HELQ: variants seen among roughly 807,000 people sequenced by gnomAD.
The protein encoded by HELQ is helicase POLQ-like.
A neutral mutation model predicts 111.6 loss-of-function variants in HELQ; 77 were observed. The observed-to-expected ratio is 0.69, with a 90% confidence interval of 0.57 to 0.83. The LOEUF (loss-of-function observed/expected upper bound fraction) is 0.83. HELQ is among the 40% of genes least tolerant of loss of function. The pLI, the probability that HELQ is intolerant of heterozygous loss-of-function variation, is 0.00. For synonymous variants in HELQ, 438 were observed against 454.7 expected, an observed-to-expected ratio of 0.96 and a Z score of 0.47; for missense variants, 1,200 against 1,288.5, an observed-to-expected ratio of 0.93 and a Z score of 1.05.
chr4:83,452,671 G>A (rs1721456595), intron 2 of HELQ, among the ~76,000 whole-genome samples: 1 of 152,192 alleles, frequency 6.6e-6, no homozygotes, highest in Admixed American at 6.5e-5. Context: ...AAAAACAGGA[G>A]TGGTTGTAAG....
intron 1 of HELQ, 128 bp from the exon 2 acceptor site, chr4:83,454,073 A>G (rs1721575092): frequency 6.0e-6 from 4 of 662,574 alleles, no homozygotes; most frequent in Admixed American, 5.2e-5. Context: ...GCATAGTGGC[A>G]TGCTCCTGTA....
chr4:83,421,502 T>C, intron 15 of HELQ, 61 bp downstream of exon 15: 2 of 1,286,148 alleles, frequency 1.6e-6, no homozygotes, highest in Non-Finnish European at 2.2e-6. Flanking sequence ...GGCTTATTAG[T>C]TTAGTAACAG....
rs188680450 is a variant in HELQ at position 83,432,020 on chromosome 4, T to C, written c.2190+106A>G. ...TAATCATATAGGAAAGAAAGCATCATTTAAAGAAAATTAATAATTAATTTT... is the reference window on the plus strand; with the variant it reads ...TAATCATATAGGAAAGAAAGCATCACTTAAAGAAAATTAATAATTAATTTT... On this transcript the variant is annotated intron_variant, in intron 10 of 17. Transcript: ENST00000295488. 4.5e-4 allele frequency: 296 copies of C among 661,516 alleles called. No homozygotes were observed. In the African/African-American group the frequency reaches 5.1e-3, roughly 11 times the overall value. 41.0% of individuals were successfully genotyped at this position (661,516 alleles called of 1,614,324 possible).
At chr4:83,410,756 A>G (rs1739042819) in intron 17 of HELQ, among the ~76,000 whole-genome samples, 1 of 152,164 alleles carries the variant, frequency 6.6e-6, no homozygotes, top group Non-Finnish European at 1.5e-5. Flanking sequence ...ATGATGCCAC[A>G]TGACAGGTCT....
chr4:83,418,878 G>A (rs1247071914), intron 15 of HELQ, among the ~76,000 whole-genome samples: 2 of 152,076 alleles, frequency 1.3e-5, no homozygotes, highest in Admixed American at 1.3e-4. Context: ...CAGAACTATT[G>A]AATCAATCAA....
chr4:83,413,788 A>G (rs1167020904), intron 17 of HELQ, among the ~76,000 whole-genome samples: 2 of 152,220 alleles, frequency 1.3e-5, no homozygotes, highest in Non-Finnish European at 2.9e-5. Flanking sequence ...CTGAAGCCAC[A>G]TGGAAAGGCC....
chr4:83,434,119 C>A (rs1720314788), intron 9 of HELQ, among the ~76,000 whole-genome samples: 1 of 152,054 alleles, frequency 6.6e-6, no homozygotes, highest in Non-Finnish European at 1.5e-5. Context: ...ACCTGTCAAT[C>A]TAGCACTTCG....
At chr4:83,416,965 T>C (rs1050108060) in intron 16 of HELQ, 100 bp from the exon 17 acceptor site, 1 of 999,446 alleles carries the variant, frequency 1.0e-6, no homozygotes, top group Non-Finnish European at 1.5e-6. Context: ...TGTAAGAGAC[T>C]GGGATAAAAT....
chr4:83,446,297 T>C (rs964329070), intron 4 of HELQ, among the ~76,000 whole-genome samples: 1 of 144,018 alleles, frequency 6.9e-6, no homozygotes, highest in Admixed American at 7.5e-5. Context: ...CTGGGATTCA[T>C]AAGTACTACT....
At chr4:83,411,604 A>AAAATAAAT (rs147373472) in intron 17 of HELQ, among the ~76,000 whole-genome samples, 6 of 150,100 alleles carry the variant, frequency 4.0e-5, no homozygotes, top group South Asian at 2.1e-4. Flanking sequence ...ACCCTGTCTC[A>AAAATAAAT]AAATAAATAA....
intron 17 of HELQ, among the ~76,000 whole-genome samples, chr4:83,411,665 T>C (rs559078465): frequency 5.9e-5 from 9 of 151,602 alleles, no homozygotes; most frequent in African/African-American, 1.2e-4. Context: ...AAAATAGAGA[T>C]AAGGTCTCGC....
At chr4:83,425,026 T>A (rs866965625) in intron 14 of HELQ, among the ~76,000 whole-genome samples, 13 of 152,064 alleles carry the variant, frequency 8.5e-5, no homozygotes, top group South Asian at 2.1e-4. Context: ...CCACCTGTAA[T>A]CCCAATGCTT....
At chr4:83,425,890 C>G (rs1470196428) in intron 14 of HELQ, 104 bp downstream of exon 14, 14 of 587,948 alleles carry the variant, frequency 2.4e-5, no homozygotes, top group Non-Finnish European at 4.2e-5. Context: ...AAATGTAAAC[C>G]AAAAAAGATC....
chr4:83,425,829 C>A (rs1719819373), intron 14 of HELQ, among the ~76,000 whole-genome samples, 165 bp downstream of exon 14: 1 of 152,028 alleles, frequency 6.6e-6, no homozygotes, highest in South Asian at 2.1e-4. Flanking sequence ...ATTTTGGGTG[C>A]TCAGGTATGT....
chr4:83,426,566 GTTT>G (rs770685351), intron 13 of HELQ, among the ~76,000 whole-genome samples: 1 of 127,744 alleles, frequency 7.8e-6, no homozygotes, highest in East Asian at 3.5e-4. Flanking sequence ...TTTTGTTTCT[GTTT>G]TTGTTTTTTT....
chr4:83,423,132 G>C (rs1477479909), intron 14 of HELQ, among the ~76,000 whole-genome samples: 1 of 151,822 alleles, frequency 6.6e-6, no homozygotes, highest in Non-Finnish European at 1.5e-5. Context: ...GAAAAAGTAG[G>C]TATAAAAAAT....
chr4:83,424,739 G>T (rs1578075634), intron 14 of HELQ, among the ~76,000 whole-genome samples: 1 of 152,050 alleles, frequency 6.6e-6, no homozygotes, highest in African/African-American at 2.4e-5. Context: ...TGTATTTTTA[G>T]TGGAGATAGG....
rs143141950 is a variant in HELQ, at chr4:83,426,126, C to A, written c.2677-34G>T. 2.4e-4 allele frequency: 271 copies of A among 1,131,384 alleles called. 3 individuals are homozygous for A. In the African/African-American group the frequency reaches 3.5e-3, roughly 15 times the overall value. The allele number at this position is 1,131,384 out of a possible 1,614,324, so 70.1% of individuals were successfully genotyped here. ...AAAAAGAGCAAATAGATGGAAACAT[C>A]AAAAAATCTGTCATGTGAACCAAAT... is the stretch of plus-strand genomic sequence containing the variant. On this transcript the variant is annotated intron_variant, in intron 13 of 17. Transcript: ENST00000295488.
intron 2 of HELQ, among the ~76,000 whole-genome samples, chr4:83,452,261 T>C (rs1721425947): frequency 6.6e-6 from 1 of 152,220 alleles, no homozygotes; most frequent in South Asian, 2.1e-4. Flanking sequence ...TTTGCAATTT[T>C]TTTTCTTGGC....
Sources: allele counts gnomAD v4.1 joint callset (sites outside exome capture counted in the v4.1 genomes callset), GRCh38; gene constraint gnomAD v4.1.1; transcripts MANE v1.5; gene names NCBI Gene and HGNC (gene_info 2026-07-23, HGNC 2026-07-21).